NRF1: variants seen among roughly 807,000 people sequenced by gnomAD.
NRF1 encodes nuclear respiratory factor 1, also known as alpha palindromic-binding protein.
In NRF1, 5 loss-of-function variants were observed where a neutral mutation model predicts 58.5. The ratio of observed to expected loss-of-function variants is 0.09; its 90% confidence interval spans 0.04 to 0.18. NRF1 has a LOEUF of 0.18. Ranked by LOEUF, NRF1 falls within the 10% of genes least tolerant of loss-of-function variation. The pLI is 1.00. For missense variants in NRF1, 288 were observed against 657.7 expected, an observed-to-expected ratio of 0.44 and a Z score of 6.15; for synonymous variants, 224 against 246.7, an observed-to-expected ratio of 0.91 and a Z score of 0.86.
chr7:129,650,587 A>G (rs2151072348), intron 1 of NRF1, among the ~76,000 whole-genome samples: 1 of 152,320 alleles, frequency 6.6e-6, no homozygotes, highest in South Asian at 2.1e-4. Flanking sequence ...TGAGTCAAGA[A>G]GGGTAGAATC....
chr7:129,719,545 A>C (rs997033841), intron 9 of NRF1, among the ~76,000 whole-genome samples: 1 of 93,094 alleles, frequency 1.1e-5, no homozygotes, highest in South Asian at 3.3e-4. Flanking sequence ...CACACACACA[A>C]CACATCTTCT....
At chr7:129,629,613 G>GAAAGCTGAATGCAACACTTCTGAATGCAA (rs1801003829) in intron 1 of NRF1, among the ~76,000 whole-genome samples, 4 of 152,138 alleles carry the variant, frequency 2.6e-5, no homozygotes, top group African/African-American at 9.7e-5. Context: ...TCTGAATGCA[G>GAAAGCTGAATGCAACACTTCTGAATGCAA]CAGAAAGCTG....
intron 5 of NRF1, among the ~76,000 whole-genome samples, chr7:129,702,545 A>G (rs556411244): frequency 6.6e-6 from 1 of 152,322 alleles, no homozygotes; most frequent in South Asian, 2.1e-4. Context: ...TCAGTACTAC[A>G]AATAATTCCC....
chr7:129,682,573 T>A (rs758108832), intron 4 of NRF1, among the ~76,000 whole-genome samples: 14 of 149,550 alleles, frequency 9.4e-5, no homozygotes, highest in Non-Finnish European at 1.9e-4. Context: ...GAATAACAGA[T>A]TTAATAAGGT....
intron 1 of NRF1, among the ~76,000 whole-genome samples, chr7:129,631,872 T>G (rs952859063): frequency 6.6e-6 from 1 of 152,238 alleles, no homozygotes; most frequent in Non-Finnish European, 1.5e-5. Flanking sequence ...AGGCATAGAT[T>G]GGAATGTTTG....
At chr7:129,734,557 C>G in intron 10 of NRF1, among the ~76,000 whole-genome samples, 2 of 152,358 alleles carry the variant, frequency 1.3e-5, no homozygotes, top group Middle Eastern at 6.8e-3. Context: ...TAGGGGTACC[C>G]TGGAGGTTCA....
chr7:129,712,134 A>G (rs1803087068), intron 8 of NRF1, among the ~76,000 whole-genome samples: 1 of 35,968 alleles, frequency 2.8e-5, no homozygotes, highest in African/African-American at 1.1e-4. Context: ...TATGAAGTAT[A>G]AAGTTCTGTT....
chr7:129,749,878 G>A (rs770302383), intron 10 of NRF1, among the ~76,000 whole-genome samples: 1 of 151,792 alleles, frequency 6.6e-6, no homozygotes, highest in South Asian at 2.1e-4. Flanking sequence ...ATAAAAAGAC[G>A]GGTTGTATTT....
chr7:129,616,389 C>T (rs758759285), intron 1 of NRF1, among the ~76,000 whole-genome samples: 5 of 152,192 alleles, frequency 3.3e-5, no homozygotes, highest in Admixed American at 6.5e-5. Flanking sequence ...TCTAGACCAG[C>T]CTGGGCAATG....
At chr7:129,744,095 G>A (rs942516450) in intron 10 of NRF1, 39 of 1,334,740 alleles carry the variant, frequency 2.9e-5, no homozygotes, top group South Asian at 1.2e-4. Context: ...GGCTGCAAGC[G>A]CCGCAGCGGG....
chr7:129,612,100 G>T (rs1458594205), intron 1 of NRF1, among the ~76,000 whole-genome samples: 1 of 150,486 alleles, frequency 6.6e-6, no homozygotes, highest in African/African-American at 2.4e-5. Context: ...CCAGGGTTCC[G>T]GCCTCCTCCG....
intron 1 of NRF1, among the ~76,000 whole-genome samples, chr7:129,624,321 T>G (rs1329457069): frequency 6.6e-6 from 1 of 152,218 alleles, no homozygotes; most frequent in Non-Finnish European, 1.5e-5. Flanking sequence ...TCCACCAGAT[T>G]GTAAGCTTCG....
intron 10 of NRF1, among the ~76,000 whole-genome samples, chr7:129,748,397 C>A (rs530490835): frequency 6.6e-6 from 1 of 151,488 alleles, no homozygotes; most frequent in Non-Finnish European, 1.5e-5. Context: ...TGAATGGTGG[C>A]GGCAATAAAG....
chr7:129,714,037 G>C (rs1247375156), intron 8 of NRF1, among the ~76,000 whole-genome samples: 1 of 152,142 alleles, frequency 6.6e-6, no homozygotes, highest in Non-Finnish European at 1.5e-5. Context: ...CCCTTTCTTT[G>C]GGGAAGGGAG....
chr7:129,639,587 C>T (rs1801243968), intron 1 of NRF1, among the ~76,000 whole-genome samples: 1 of 150,872 alleles, frequency 6.6e-6, no homozygotes, highest in African/African-American at 2.4e-5. Context: ...GCTCTGTCGC[C>T]CAGGCTGCAG....
At chr7:129,667,782 TATTA>T (rs1454831436) in intron 2 of NRF1, among the ~76,000 whole-genome samples, 291 of 117,568 alleles carry the variant, frequency 2.5e-3, no homozygotes, top group African/African-American at 8.4e-3. Context: ...TTTATTTATT[TATTA>T]GAGATAGGAT....
intron 2 of NRF1, among the ~76,000 whole-genome samples, chr7:129,662,704 C>T (rs1311762176): frequency 2.0e-5 from 3 of 152,106 alleles, no homozygotes; most frequent in Non-Finnish European, 2.9e-5. Context: ...TGCCCGAGGG[C>T]ACTAGCAATC....
chr7:129,625,675 AT>A (rs56694598), intron 1 of NRF1, among the ~76,000 whole-genome samples: 19 of 88,992 alleles, frequency 2.1e-4, no homozygotes, highest in East Asian at 6.9e-4. Flanking sequence ...TAATGTTTTA[AT>A]TTTTTTTTTT....
chr7:129,682,097 C>G (rs897375199), intron 4 of NRF1, among the ~76,000 whole-genome samples: 30 of 151,548 alleles, frequency 2.0e-4, no homozygotes, highest in Non-Finnish European at 4.1e-4. Context: ...GTTAGTCAGT[C>G]AACCAGACAT....
Sources: gnomAD v4.1 joint callset for allele counts (sites outside exome capture counted in the v4.1 genomes callset) on GRCh38, gnomAD v4.1.1 for gene constraint, MANE v1.5 for transcripts, NCBI Gene and HGNC (gene_info 2026-07-23, HGNC 2026-07-21) for gene names.